Variants in DPP10 observed in about 807,000 individuals in gnomAD.
DPP10 encodes the protein dipeptidyl peptidase like 10.
DPP10 carries 33 observed loss-of-function variants against 120.9 expected under a neutral mutation model. The observed-to-expected ratio is 0.27, with a 90% CI of 0.21 to 0.37. The LOEUF is 0.37. DPP10 is among the 10% of genes least tolerant of loss of function. The pLI is 1.00. For synonymous variants in DPP10, 337 were observed against 326.1 expected, an observed-to-expected ratio of 1.03 and a Z score of -0.36; for missense variants, 816 against 942.8, an observed-to-expected ratio of 0.87 and a Z score of 1.76.
At chr2:115,324,906 G>A (rs1164087480) in intron 2 of DPP10, among the ~76,000 whole-genome samples, 1 of 152,014 alleles carries the variant, frequency 6.6e-6, no homozygotes, top group East Asian at 1.9e-4. Context: ...ATGTCTTAGG[G>A]AATAAGGGGG....
chr2:115,375,588 T>C (rs1463897465), intron 3 of DPP10, among the ~76,000 whole-genome samples: 1 of 152,228 alleles, frequency 6.6e-6, no homozygotes, highest in Non-Finnish European at 1.5e-5. Flanking sequence ...CCCACTCTGC[T>C]GGTACCAATT....
chr2:114,537,811 A>T (rs1351008090), intron 1 of DPP10, among the ~76,000 whole-genome samples: 1 of 152,192 alleles, frequency 6.6e-6, no homozygotes, highest in Non-Finnish European at 1.5e-5. Context: ...TTGGAGCCAG[A>T]GCCCAGTTTT....
intron 1 of DPP10, among the ~76,000 whole-genome samples, chr2:114,744,880 G>T (rs1356465709): frequency 6.6e-6 from 1 of 152,142 alleles, no homozygotes; most frequent in Non-Finnish European, 1.5e-5. Context: ...TCCTGCCTCG[G>T]CCTCCTGAGT....
At chr2:115,578,381 C>T (rs1006690463) in intron 5 of DPP10, among the ~76,000 whole-genome samples, 26 of 152,238 alleles carry the variant, frequency 1.7e-4, no homozygotes, top group African/African-American at 6.3e-4. Flanking sequence ...CATACACACA[C>T]ACAACCCCCC....
At chr2:115,773,547 T>C (rs1191835434) in intron 13 of DPP10, among the ~76,000 whole-genome samples, 1 of 152,142 alleles carries the variant, frequency 6.6e-6, no homozygotes, top group East Asian at 1.9e-4. Flanking sequence ...TCATACTGCC[T>C]TTATCAAAAG....
At chr2:114,919,207 A>T (rs1395892200) in intron 1 of DPP10, among the ~76,000 whole-genome samples, 1 of 152,118 alleles carries the variant, frequency 6.6e-6, no homozygotes, top group East Asian at 1.9e-4. Flanking sequence ...TGTAAAATAT[A>T]TATGAGGCAT....
intron 1 of DPP10, among the ~76,000 whole-genome samples, chr2:114,500,556 C>T (rs894313121): frequency 2.2e-4 from 34 of 152,164 alleles, no homozygotes; most frequent in South Asian, 1.4e-3. Context: ...ACCCAGTCAG[C>T]CTAACGGCAG....
At chr2:115,717,112 C>T (rs1427850764) in intron 7 of DPP10, among the ~76,000 whole-genome samples, 1 of 152,156 alleles carries the variant, frequency 6.6e-6, no homozygotes, top group Non-Finnish European at 1.5e-5. Context: ...GGACACCTAC[C>T]TGGGAAGAAA....
At chr2:115,516,499 T>C (rs2077510021) in intron 4 of DPP10, among the ~76,000 whole-genome samples, 1 of 151,174 alleles carries the variant, frequency 6.6e-6, no homozygotes, top group Admixed American at 6.6e-5. Flanking sequence ...GAACAGGAGG[T>C]ATAATGTTAC....
chr2:114,619,939 C>T (rs1400532511), intron 1 of DPP10, among the ~76,000 whole-genome samples: 2 of 151,868 alleles, frequency 1.3e-5, no homozygotes, highest in African/African-American at 2.4e-5. Flanking sequence ...TAGCTTTCTC[C>T]AATCCTTTCA....
intron 3 of DPP10, among the ~76,000 whole-genome samples, chr2:115,367,742 T>C (rs2065163198): frequency 6.6e-6 from 1 of 152,028 alleles, no homozygotes; most frequent in Non-Finnish European, 1.5e-5. Flanking sequence ...TACATCTTTT[T>C]GTTATGTGTA....
intron 1 of DPP10, among the ~76,000 whole-genome samples, chr2:114,592,549 T>C (rs750100995): frequency 2.0e-5 from 3 of 152,054 alleles, no homozygotes; most frequent in Non-Finnish European, 4.4e-5. Flanking sequence ...AATATGCTTG[T>C]AGAGCTGAGG....
chr2:114,974,397 T>C (rs1460862716), intron 1 of DPP10, among the ~76,000 whole-genome samples: 2 of 151,072 alleles, frequency 1.3e-5, no homozygotes, highest in Non-Finnish European at 2.9e-5. Context: ...TCTTGGGATA[T>C]AGGCTAAATC....
chr2:115,251,684 A>C (rs971327925), intron 1 of DPP10, among the ~76,000 whole-genome samples: 1 of 152,212 alleles, frequency 6.6e-6, no homozygotes, highest in Non-Finnish European at 1.5e-5. Flanking sequence ...CTCCAGGTCA[A>C]GTTTATTTTT....
chr2:115,163,031 G>A (rs1384920260), intron 1 of DPP10, among the ~76,000 whole-genome samples: 1 of 152,096 alleles, frequency 6.6e-6, no homozygotes, highest in Non-Finnish European at 1.5e-5. Context: ...GATTAACTGT[G>A]GACCCGCGGG....
chr2:114,548,085 AT>A (rs2104849638), intron 1 of DPP10, among the ~76,000 whole-genome samples: 1 of 152,286 alleles, frequency 6.6e-6, no homozygotes, highest in Non-Finnish European at 1.5e-5. Flanking sequence ...TGTAGGGCAA[AT>A]AAAGAATGCC....
chr2:115,109,154 G>A (rs1259523699), intron 1 of DPP10, among the ~76,000 whole-genome samples: 1 of 152,158 alleles, frequency 6.6e-6, no homozygotes, highest in African/African-American at 2.4e-5. Context: ...GGGAAGGATT[G>A]CCCCTTGTAG....
At chr2:115,350,454 A>G (rs1574516886) in intron 3 of DPP10, among the ~76,000 whole-genome samples, 2 of 152,076 alleles carry the variant, frequency 1.3e-5, no homozygotes, top group African/African-American at 4.8e-5. Flanking sequence ...TTATGTACTA[A>G]CTACGGATAT....
chr2:115,042,769 T>C (rs1470148048), intron 1 of DPP10, among the ~76,000 whole-genome samples: 2 of 152,230 alleles, frequency 1.3e-5, no homozygotes, highest in Non-Finnish European at 2.9e-5. Flanking sequence ...ATTCATGCTA[T>C]AATCTATTGT....
Sources: allele counts gnomAD v4.1 joint callset (sites outside exome capture counted in the v4.1 genomes callset), GRCh38; gene constraint gnomAD v4.1.1; transcripts MANE v1.5; gene names NCBI Gene and HGNC (gene_info 2026-07-23, HGNC 2026-07-21).